TOM1: variants seen among roughly 807,000 people sequenced by gnomAD.
TOM1 encodes the protein target of myb1 membrane trafficking protein.
TOM1 carries 38 observed loss-of-function variants against 61.3 expected under a neutral mutation model. That is an observed-to-expected ratio of 0.62 (90% CI 0.48 to 0.81). The LOEUF (loss-of-function observed/expected upper bound fraction) is 0.81, where lower values mean the gene tolerates loss of function less well. Among genes scored for constraint, TOM1 ranks in the 40% least tolerant of loss-of-function variants. The pLI, the probability that TOM1 is intolerant of heterozygous loss-of-function variation, is 0.00. For synonymous variants in TOM1, 270 were observed against 268.8 expected, an observed-to-expected ratio of 1.00 and a Z score of -0.04; for missense variants, 591 against 659.6, an observed-to-expected ratio of 0.90 and a Z score of 1.14.
At position 35,347,315 on chromosome 22, in the gene TOM1, T is replaced by G. The variant is rs1930594816; in HGVS notation, c.*106T>G. ...TTAAGGCTGCTTTGGGGGTGGCTTGTTACCCCCTTTTCCTCCTCTTTGAAG... is the reference window on the plus strand; with the variant it reads ...TTAAGGCTGCTTTGGGGGTGGCTTGGTACCCCCTTTTCCTCCTCTTTGAAG... On this transcript the variant is annotated 3_prime_UTR_variant, in exon 15 of 15. Transcript: ENST00000449058. 12 of 1,221,926 alleles carry G rather than the reference T, an allele frequency of 9.8e-6. No homozygotes were observed. Among genetic ancestry groups the G allele is most frequent in the Non-Finnish European group, 1.3e-5 (12 of 892,496 alleles). The allele number at this position is 1,221,926 out of a possible 1,614,324, so 75.7% of individuals were successfully genotyped here. A position where few individuals can be genotyped will look rare whatever the true frequency, so the allele number is the denominator to read the frequency against.
intron 1 of TOM1, among the ~76,000 whole-genome samples, chr22:35,317,522 T>C (rs569971489): frequency 6.6e-6 from 1 of 152,314 alleles, no homozygotes; most frequent in South Asian, 2.1e-4. Flanking sequence ...GAGAACATCT[T>C]ATCTACAGAA....
rs763768588 is a variant in TOM1 at position 35,347,225 on chromosome 22, C to A, written c.*16C>A. ...TGCCTTATGAGTGTGGGGTCTGGCA[C>A]CCTGCAGCCCAGGTCCCCACTGCTC... On this transcript the variant is annotated 3_prime_UTR_variant, in exon 15 of 15. Transcript: ENST00000449058. 7.6e-6 allele frequency: 12 copies of A among 1,583,020 alleles called. No homozygotes were observed.
chr22:35,321,245 A>G lies in TOM1; in HGVS notation c.138-714A>G, dbSNP rs117670616. On this transcript the variant is annotated intron_variant, in intron 2 of 14. Transcript: ENST00000449058. ...TTGTTCTTAAACTTGAGCATGCATA[A>G]GAAACCCTTGGGGAGCATGAGAAGC... Among the ~76,000 whole-genome samples, 494 of 152,218 alleles carry G rather than the reference A, an allele frequency of 3.2e-3. 6 individuals are homozygous for G. Among genetic ancestry groups the G allele is most frequent in the Non-Finnish European group, 5.6e-3 (379 of 67,998 alleles).
At chr22:35,322,296 C>T in intron 3 of TOM1, 1 of 456,984 alleles carries the variant, frequency 2.2e-6, no homozygotes, top group Non-Finnish European at 3.9e-6. Context: ...AGAGCCTGGG[C>T]CAAAGGACCT....
At position 35,340,617 on chromosome 22, in the gene TOM1, C is replaced by T. The variant is rs5995090; in HGVS notation, c.1224+1829C>T. 5.9e-4 allele frequency among the ~76,000 whole-genome samples: 90 copies of T among 152,164 alleles called. 1 individual carries two copies. The highest frequency in any genetic ancestry group is 2.0e-3 in the African/African-American group (85 of 41,520). ...TAAAAATTATCCGGGCATGGTGGCGCACACCTTTAGTCCCAGCTACTCAGG... is the reference window on the plus strand; with the variant it reads ...TAAAAATTATCCGGGCATGGTGGCGTACACCTTTAGTCCCAGCTACTCAGG... On this transcript the variant is annotated intron_variant, in intron 12 of 14. Transcript: ENST00000449058.
chr22:35,344,506 AGGTAGC>A (rs1249923276), intron 12 of TOM1: 1 of 152,276 alleles, frequency 6.6e-6, no homozygotes, highest in Non-Finnish European at 1.5e-5. Context: ...GGCAAGGACA[AGGTAGC>A]CCGTCTGGCA....
At position 35,345,784 on chromosome 22, in the gene TOM1, G is replaced by T. The variant is rs768045111; in HGVS notation, c.1284G>T (p.Val428=). The change falls in exon 13 of 15, where the codon GTG becomes GTT. Residue 428 remains valine, a splice_region_variant and synonymous_variant. Transcript: ENST00000449058. ...EDIEQWLSTD[V]GNDAEEPKGV... is the part of the protein sequence containing the mutation. ...TCGAGCAGTGGCTGTCCACTGACGT[G>T]GTATGTTGGGGCCCACTCCTCACCC... 5.0e-6 allele frequency: 8 copies of T among 1,613,914 alleles called. No individual in the cohort carries two copies. The highest frequency in any genetic ancestry group is 1.6e-4 in the Middle Eastern group (1 of 6,062).
chr22:35,317,674 C>A (rs947152377), intron 1 of TOM1, among the ~76,000 whole-genome samples: 1 of 152,102 alleles, frequency 6.6e-6, no homozygotes, highest in Non-Finnish European at 1.5e-5. Flanking sequence ...ACTCCGGCCT[C>A]AGTGGCTACA....
chr22:35,300,193 A>G (rs558761269), intron 1 of TOM1, among the ~76,000 whole-genome samples: 1 of 152,252 alleles, frequency 6.6e-6, no homozygotes, highest in African/African-American at 2.4e-5. Context: ...GATGTATATG[A>G]CAGCCAGTAG....
intron 6 of TOM1, among the ~76,000 whole-genome samples, chr22:35,324,636 T>C (rs1454087648): frequency 1.3e-5 from 2 of 152,090 alleles, no homozygotes; most frequent in Non-Finnish European, 2.9e-5. Context: ...GCAACCTCTC[T>C]CTCCCAGGTT....
chr22:35,330,562 G>A, intron 8 of TOM1, 82 bp downstream of exon 8: 2 of 1,349,884 alleles, frequency 1.5e-6, no homozygotes, highest in South Asian at 1.4e-5. Flanking sequence ...CTGGTCTCAT[G>A]CCATCTGAGC....
chr22:35,334,992 C>T (rs1484170179), intron 11 of TOM1, among the ~76,000 whole-genome samples: 2 of 152,168 alleles, frequency 1.3e-5, no homozygotes, highest in Admixed American at 1.3e-4. Context: ...TCAGCCTTGC[C>T]CCAGAGCTGG....
Position 35,340,917 on chromosome 22 carries a change from G to T in TOM1, c.1224+2129G>T, listed in dbSNP as rs541539476. On this transcript the variant is annotated intron_variant, in intron 12 of 14. Transcript: ENST00000449058. ...GGCAAGGTGGAGGACGCTGGGGTGG[G>T]CCATCTGGGCCTCTCGTGGACAGAG... is the stretch of plus-strand genomic sequence containing the variant. Among the ~76,000 whole-genome samples the T allele has an allele frequency of 3.2e-4, 48 of 152,318 alleles. 1 individual carries two copies. Among genetic ancestry groups the T allele is most frequent in the Non-Finnish European group, 4.3e-4 (29 of 68,028 alleles).
At chr22:35,314,153 C>T (rs1029225521) in intron 1 of TOM1, among the ~76,000 whole-genome samples, 1 of 152,212 alleles carries the variant, frequency 6.6e-6, no homozygotes, top group African/African-American at 2.4e-5. Flanking sequence ...TCCTGTTGTC[C>T]ACACCTGGAC....
At chr22:35,301,951 T>G (rs532505006) in intron 1 of TOM1, among the ~76,000 whole-genome samples, 1 of 152,308 alleles carries the variant, frequency 6.6e-6, no homozygotes, top group South Asian at 2.1e-4. Context: ...TACTTAAAAA[T>G]AAACAAGTAA....
Position 35,323,805 on chromosome 22 carries a change from C to T in TOM1, c.539C>T (p.Ser180Phe). ...FNSETQSGQD[S>F]VGTDSSQQED... The stretch of plus-strand genomic sequence containing the variant: ...TCAGAGACACAATCAGGACAGGATT[C>T]TGTGGGCACTGACTCCAGCCAGCAA... The change falls in exon 6 of 15, where the codon TCT becomes TTT. Residue 180 changes from serine to phenylalanine, a missense_variant. Physicochemically the swap from Ser to Phe is radical, Grantham distance 155 (BLOSUM62 -2). Transcript: ENST00000449058. This position sits in a 1 kb window ranked among gnomAD's most constrained non-coding sequence, Gnocchi z 4.2. 1 of 1,613,038 alleles carries T rather than the reference C, an allele frequency of 6.2e-7. No homozygotes were observed. Among genetic ancestry groups the T allele is most frequent in the Non-Finnish European group, 8.5e-7 (1 of 1,179,462 alleles).
chr22:35,330,322 G>C (rs771892434), intron 7 of TOM1, 25 bp from the exon 8 acceptor site: 1 of 1,596,536 alleles, frequency 6.3e-7, no homozygotes, highest in Non-Finnish European at 8.5e-7. Context: ...TGTGACTGTG[G>C]TTGCCTCACT....
rs199592573 is a variant in TOM1 at position 35,327,211 on chromosome 22, G to A, written c.649-60G>A. ...GTTGGTGGTACTGGGTTCTGTCGCT[G>A]TGAGTAACATGGGCCCCAGAACCCT... On this transcript the variant is annotated intron_variant, in intron 6 of 14. Transcript: ENST00000449058. 1.1e-4 allele frequency: 174 copies of A among 1,521,764 alleles called. 1 individual carries two copies. In the African/African-American group the frequency reaches 1.9e-3, roughly 17 times the overall value. The allele number at this position is 1,521,764 out of a possible 1,614,324, so 94.3% of individuals were successfully genotyped here.
chr22:35,312,541 G>T (rs1200199570), intron 1 of TOM1, among the ~76,000 whole-genome samples: 1 of 152,232 alleles, frequency 6.6e-6, no homozygotes, highest in Admixed American at 6.5e-5. Context: ...CTTTGAATCT[G>T]CTGTGCATCT....
Sources: gnomAD v4.1 joint callset for allele counts (sites outside exome capture counted in the v4.1 genomes callset) on GRCh38, gnomAD v4.1.1 for gene constraint, Gnocchi (gnomAD v3.1) non-coding constraint, MANE v1.5 for transcripts, NCBI Gene and HGNC (gene_info 2026-07-23, HGNC 2026-07-21) for gene names.